Variants in ZCWPW2 observed in about 807,000 individuals in gnomAD.
ZCWPW2 encodes the protein zinc finger CW-type and PWWP domain containing 2, also known as zinc finger CW-type PWWP domain protein 2.
Under a neutral mutation model 46.6 loss-of-function variants are expected in ZCWPW2, and 45 were observed. The ratio of observed to expected loss-of-function variants is 0.96; its 90% CI spans 0.76 to 1.24. The LOEUF is 1.24. Among genes scored for constraint, ZCWPW2 ranks in the 50% most tolerant of loss-of-function variants. The probability of loss-of-function intolerance (pLI) is 0.00; values close to 1 mark genes in which losing one functional copy is unlikely to be tolerated. For synonymous variants in ZCWPW2, 152 were observed against 137.1 expected (o/e 1.11, Z -0.76); for missense variants, 429 against 403.9 (o/e 1.06, Z -0.53).
At chr3:28,368,435 T>C (rs981613549) in intron 1 of ZCWPW2, among the ~76,000 whole-genome samples, 1 of 152,200 alleles carries the variant, frequency 6.6e-6, no homozygotes, top group African/African-American at 2.4e-5. Context: ...TTTGGCTGGA[T>C]ATGAAATGCT....
intron 2 of ZCWPW2, among the ~76,000 whole-genome samples, chr3:28,402,000 T>C (rs946755717): frequency 6.6e-6 from 1 of 150,888 alleles, no homozygotes; most frequent in African/African-American, 2.4e-5. Context: ...CAATCTAAGG[T>C]CATACCTCAA....
intron 6 of ZCWPW2, among the ~76,000 whole-genome samples, chr3:28,495,308 A>G (rs1440455327): frequency 1.3e-5 from 2 of 151,936 alleles, no homozygotes; most frequent in East Asian, 1.9e-4. Flanking sequence ...AAGAAAGGAT[A>G]TAGGTCTTGT....
rs182586449 is a variant in ZCWPW2 at position 28,410,990 on chromosome 3, A to G, written c.-13-2066A>G. Reference sequence around the variant, plus strand: ...AATTAGAAAATTCCTCCCTTAGGCAAACTTTCCCAAAATGGGGGAACATTT... The same window carrying G: ...AATTAGAAAATTCCTCCCTTAGGCAGACTTTCCCAAAATGGGGGAACATTT... On this transcript the variant is annotated intron_variant, in intron 2 of 9. Transcript: ENST00000383768. Among the ~76,000 whole-genome samples the G allele has an allele frequency of 1.8e-3, 268 of 152,090 alleles. 1 individual carries two copies. Among genetic ancestry groups the G allele is most frequent in the African/African-American group, 6.3e-3 (262 of 41,566 alleles).
intron 2 of ZCWPW2, among the ~76,000 whole-genome samples, chr3:28,405,433 A>G (rs1332079163): frequency 6.6e-6 from 1 of 152,256 alleles, no homozygotes; most frequent in East Asian, 1.9e-4. Context: ...TTTGAGGGGC[A>G]TGCCAGAAAA....
chr3:28,374,788 C>A (rs1255749317), intron 1 of ZCWPW2, among the ~76,000 whole-genome samples: 1 of 152,020 alleles, frequency 6.6e-6, no homozygotes, highest in Non-Finnish European at 1.5e-5. Context: ...TCACCGTTGG[C>A]ATATATAAAT....
At chr3:28,509,076 C>T (rs1225415961) in intron 6 of ZCWPW2, among the ~76,000 whole-genome samples, 1 of 152,150 alleles carries the variant, frequency 6.6e-6, no homozygotes, top group African/African-American at 2.4e-5. Context: ...TTTTCTGCTT[C>T]TATAGATTTG....
chr3:28,355,580 C>G (rs1396550474), intron 1 of ZCWPW2, among the ~76,000 whole-genome samples: 5 of 152,220 alleles, frequency 3.3e-5, no homozygotes, highest in African/African-American at 1.2e-4. Context: ...GGAGGCATCA[C>G]ACTACCTGAC....
intron 4 of ZCWPW2, chr3:28,448,127 AG>A (rs1289943187): frequency 5.1e-6 from 1 of 197,292 alleles, no homozygotes; most frequent in African/African-American, 2.3e-5. Flanking sequence ...CTTAAAAAAA[AG>A]ATCAAAATTG....
Position 28,478,919 on chromosome 3 carries a change from T to C in ZCWPW2, c.598T>C (p.Ser200Pro). ...GCAAAGACTGGAAATGTGCTGCCTA[T>C]CAAAACTACAAGGTGTATAAATATT... ...HEQRLEMCCL[S>P]KLQDKSETHD... The change falls in exon 5 of 10, where the codon TCA becomes CCA. Residue 200 changes from serine (S) to proline (P), a missense_variant. Transcript: ENST00000383768. 6.3e-7 allele frequency: 1 copy of C among 1,577,318 alleles called. No individual in the cohort carries two copies. Among genetic ancestry groups the C allele is most frequent in the Non-Finnish European group, 8.6e-7 (1 of 1,164,608 alleles).
chr3:28,354,123 G>C (rs1025841627), intron 1 of ZCWPW2, among the ~76,000 whole-genome samples: 1 of 152,006 alleles, frequency 6.6e-6, no homozygotes, highest in African/African-American at 2.4e-5. Flanking sequence ...CATTGACAAA[G>C]AGCTGTGTGA....
chr3:28,491,892 AGAG>A (rs1270198335), intron 5 of ZCWPW2, among the ~76,000 whole-genome samples: 2 of 152,050 alleles, frequency 1.3e-5, no homozygotes, highest in African/African-American at 4.8e-5. Context: ...CAACTTTAAG[AGAG>A]GAGATCTGCC....
At chr3:28,514,006 T>C in intron 6 of ZCWPW2, 58 bp from the exon 7 acceptor site, 1 of 1,378,210 alleles carries the variant, frequency 7.3e-7, no homozygotes, top group African/African-American at 1.5e-5. Flanking sequence ...ACCCATTATT[T>C]TACTGAGCTG....
chr3:28,466,353 A>T (rs1224352566), intron 4 of ZCWPW2, among the ~76,000 whole-genome samples: 1 of 152,228 alleles, frequency 6.6e-6, no homozygotes, highest in Non-Finnish European at 1.5e-5. Context: ...TTGGAAGGAA[A>T]AAATAAAGAA....
At chr3:28,472,412 A>G (rs1699073353) in intron 4 of ZCWPW2, among the ~76,000 whole-genome samples, 1 of 152,210 alleles carries the variant, frequency 6.6e-6, no homozygotes, top group Non-Finnish European at 1.5e-5. Context: ...GAATGCAGAA[A>G]TAAATCCATA....
intron 9 of ZCWPW2, 90 bp from the exon 10 acceptor site, chr3:28,524,437 A>C: frequency 7.4e-7 from 1 of 1,343,256 alleles, no homozygotes; most frequent in Non-Finnish European, 1.0e-6. Flanking sequence ...TTGTGTAGCT[A>C]ATGTGGCTTG....
In ZCWPW2 at chr3:28,380,969, T is replaced by A. The variant is rs1436431481; in HGVS notation, c.-133-9529T>A. Among the ~76,000 whole-genome samples, 31 of 31,184 alleles carry A rather than the reference T, an allele frequency of 9.9e-4. 8 individuals carry two copies. Among genetic ancestry groups the A allele is most frequent in the Admixed American group, 6.0e-3 (14 of 2,352 alleles). The allele number at this position is 31,184 out of a possible 152,430, so 20.5% of individuals were successfully genotyped here. Reference sequence around the variant, plus strand: ...ATATATATATATATATATATATATATATTTGGTATATATATATATATATAT... The same window carrying A: ...ATATATATATATATATATATATATAAATTTGGTATATATATATATATATAT... On this transcript the variant is annotated intron_variant, in intron 1 of 9. Coordinates refer to ENST00000383768, the MANE Select transcript of ZCWPW2 (RefSeq NM_001040432.4).
chr3:28,459,795 G>A (rs1698558780), intron 4 of ZCWPW2, among the ~76,000 whole-genome samples: 1 of 152,134 alleles, frequency 6.6e-6, no homozygotes, highest in African/African-American at 2.4e-5. Flanking sequence ...CCAAAAGGAT[G>A]TCACTCCAGA....
At chr3:28,443,706 A>G (rs1436792544) in intron 4 of ZCWPW2, among the ~76,000 whole-genome samples, 1 of 152,124 alleles carries the variant, frequency 6.6e-6, no homozygotes, top group Non-Finnish European at 1.5e-5. Context: ...AATGATCCTC[A>G]TTGTATTTAA....
At chr3:28,408,072 C>G (rs543557205) in intron 2 of ZCWPW2, among the ~76,000 whole-genome samples, 1 of 152,268 alleles carries the variant, frequency 6.6e-6, no homozygotes, top group African/African-American at 2.4e-5. Context: ...CGTATCAAAT[C>G]TAAAATACCA....
Sources: gnomAD v4.1 joint callset for allele counts (sites outside exome capture counted in the v4.1 genomes callset) on GRCh38, gnomAD v4.1.1 for gene constraint, MANE v1.5 for transcripts, NCBI Gene and HGNC (gene_info 2026-07-23, HGNC 2026-07-21) for gene names.